The following FN1 variants were observed in gnomAD, a reference collection of about 807,000 sequenced individuals.
FN1 encodes fibronectin.
FN1 carries 106 observed loss-of-function variants against 297.3 expected under a neutral mutation model. The ratio of observed to expected loss-of-function variants is 0.36; its 90% CI spans 0.30 to 0.42. The LOEUF is 0.42. FN1 is among the 10% of genes least tolerant of loss of function. The pLI is 1.00. For missense variants in FN1, 2,690 were observed against 3,124.9 expected (o/e 0.86, Z 3.32); for synonymous variants, 1,149 against 1,152.6 (o/e 1.00, Z 0.06).
intron 29 of FN1, chr2:215,384,656 G>A (rs1258240156): frequency 1.1e-5 from 6 of 526,068 alleles, no homozygotes; most frequent in African/African-American, 1.9e-5. Flanking sequence ...TCCCCCTCTA[G>A]TTGTAGTATA....
In FN1 at chr2:215,406,428, A is replaced by C. The variant is rs1162515117; in HGVS notation, c.2796T>G (p.Ser932Arg). The C allele has an allele frequency of 3.1e-6, 5 of 1,613,968 alleles. No individual in the cohort carries two copies. The African/African-American group carries it at 6.7e-5, about 22-fold the overall frequency. ...KVTIMWTPPE[S>R]AVTGYRVDVI... Reference sequence around the variant, plus strand: ...CATCCACACGGTAGCCGGTCACTGCACTCTCAGGCGGTGTCCACATGATGG... The same window carrying C: ...CATCCACACGGTAGCCGGTCACTGCCCTCTCAGGCGGTGTCCACATGATGG... The change falls in exon 19 of 46, where the codon AGT (serine) becomes AGG (arginine). Residue 932 changes from serine to arginine, a missense_variant. By Grantham distance (110) the Ser-to-Arg change is moderately radical. This residue lies in a region of FN1 where 1,743 missense variants were observed against 1,945.2 expected (regional missense o/e 0.90). Coordinates refer to ENST00000354785, the MANE Select transcript of FN1 (RefSeq NM_212482.4).
rs2057057626 is a variant in FN1, at chr2:215,375,238, C to G, written c.6133G>C (p.Gly2045Arg). The change falls in exon 38 of 46, where the codon GGT (glycine) becomes CGT (arginine). Residue 2045 changes from glycine to arginine, a missense_variant. Transcript: ENST00000354785. The stretch of plus-strand genomic sequence containing the variant: ...CCAGTAATAGTAGCCTCTGTGACAC[C>G]AGGGCGGGGCCGAGGGACCACTTCT... ...PREVVPRPRP[G>R]VTEATITGLE... The G allele has an allele frequency of 6.2e-7, 1 of 1,614,110 alleles. No individual in the cohort carries two copies. The highest frequency in any genetic ancestry group is 1.3e-5 in the African/African-American group (1 of 75,020).
At chr2:215,383,522 T>A (rs780726754) in intron 30 of FN1, 39 bp from the exon 31 acceptor site, 4 of 1,611,384 alleles carry the variant, frequency 2.5e-6, no homozygotes, top group Admixed American at 1.7e-5. Context: ...GAAGCCCCAG[T>A]CCTTGGAGAC....
chr2:215,394,759 C>G (rs2060107806), intron 23 of FN1, 40 bp from the exon 24 acceptor site: 1 of 1,507,110 alleles, frequency 6.6e-7, no homozygotes, highest in African/African-American at 1.4e-5. Context: ...CACAGAGGAT[C>G]TGTGAGCCAG....
At chr2:215,367,072 G>T (rs2054784025) in intron 42 of FN1, among the ~76,000 whole-genome samples, 1 of 152,052 alleles carries the variant, frequency 6.6e-6, no homozygotes, top group African/African-American at 2.4e-5. Flanking sequence ...TAATTCCACA[G>T]GATATGATTT....
intron 17 of FN1, 48 bp from the exon 18 acceptor site, chr2:215,407,369 G>A: frequency 1.3e-6 from 2 of 1,489,290 alleles, no homozygotes; most frequent in South Asian, 1.1e-5. Flanking sequence ...CTTTGAGACA[G>A]AGGCTTAGAA....
At chr2:215,416,748 A>C (rs1455133043) in intron 12 of FN1, among the ~76,000 whole-genome samples, 2 of 152,216 alleles carry the variant, frequency 1.3e-5, no homozygotes, top group African/African-American at 4.8e-5. Context: ...GTTCACCTCT[A>C]AGCCTAATCA....
intron 20 of FN1, among the ~76,000 whole-genome samples, chr2:215,403,663 A>G (rs1246984140): frequency 6.6e-6 from 1 of 152,238 alleles, no homozygotes; most frequent in Non-Finnish European, 1.5e-5. Flanking sequence ...ATTGTGATGT[A>G]GATATGTGGG....
At chr2:215,392,656 A>G (rs2059836823) in intron 25 of FN1, 2 of 463,512 alleles carry the variant, frequency 4.3e-6, no homozygotes, top group Non-Finnish European at 7.9e-6. Flanking sequence ...TTGAATGAAC[A>G]TTTGCTATTT....
chr2:215,421,035 G>C (rs571312092), intron 10 of FN1: 6 of 488,290 alleles, frequency 1.2e-5, no homozygotes, highest in Non-Finnish European at 2.2e-5. Flanking sequence ...AGAGGTTACA[G>C]TATGCTCAAG....
At chr2:215,402,955 A>G (rs563163589) in intron 20 of FN1, among the ~76,000 whole-genome samples, 143 of 152,316 alleles carry the variant, frequency 9.4e-4, no homozygotes, top group African/African-American at 3.2e-3. Context: ...TGTGTTCAAC[A>G]AAAGAAACTA....
intron 10 of FN1, 75 bp from the exon 11 acceptor site, chr2:215,420,876 A>AG: frequency 7.5e-6 from 10 of 1,328,238 alleles, no homozygotes; most frequent in South Asian, 1.2e-5. Flanking sequence ...TATGCTTCTC[A>AG]AAGCATACAA....
chr2:215,363,793 G>A (rs2053991269), intron 44 of FN1, among the ~76,000 whole-genome samples: 1 of 152,228 alleles, frequency 6.6e-6, no homozygotes, highest in Non-Finnish European at 1.5e-5. Context: ...TTTGAAATTT[G>A]AAATCATATT....
intron 21 of FN1, among the ~76,000 whole-genome samples, chr2:215,398,659 C>G (rs2060605561): frequency 6.6e-6 from 1 of 152,178 alleles, no homozygotes; most frequent in South Asian, 2.1e-4. Flanking sequence ...AAATATTTCT[C>G]TCTTCACACT....
Position 215,436,047 on chromosome 2 carries a change from G to T in FN1, c.-245C>A. 7.0e-6 allele frequency: 5 copies of T among 714,284 alleles called. No homozygotes were observed. Among genetic ancestry groups the T allele is most frequent in the Non-Finnish European group, 1.0e-5 (5 of 477,266 alleles). The allele number at this position is 714,284 out of a possible 1,614,324, so 44.2% of individuals were successfully genotyped here. On this transcript the variant is annotated 5_prime_UTR_variant, in exon 1 of 46. Coordinates refer to ENST00000354785, the MANE Select transcript of FN1 (RefSeq NM_212482.4). ...GCCTGGGGTTCCCTCTCCTCCCCCT[G>T]TGCAGCACAGCCGGCGCGGGCGTCC... is the stretch of plus-strand genomic sequence containing the variant.
intron 39 of FN1, chr2:215,372,616 A>C: frequency 1.8e-6 from 1 of 554,220 alleles, no homozygotes; most frequent in Non-Finnish European, 3.2e-6. Flanking sequence ...TCATACACAC[A>C]GCTTTAAACC....
intron 20 of FN1, 50 bp from the exon 21 acceptor site, chr2:215,399,401 T>C (rs760450863): frequency 3.4e-6 from 4 of 1,178,986 alleles, no homozygotes; most frequent in Middle Eastern, 1.9e-4. Context: ...TCACAGATGA[T>C]TGCATAGCAT....
intron 6 of FN1, 149 bp from the exon 7 acceptor site, chr2:215,425,434 A>C: frequency 1.3e-6 from 1 of 787,152 alleles, no homozygotes; most frequent in Non-Finnish European, 2.2e-6. Context: ...TCCCTTATTC[A>C]GCAGTAGCTT....
At chr2:215,397,350 TAG>T in intron 22 of FN1, 127 bp from the exon 23 acceptor site, 3 of 591,140 alleles carry the variant, frequency 5.1e-6, no homozygotes, top group South Asian at 1.6e-5. Context: ...CATAAAAATA[TAG>T]GTTACATTAT....
Sources: gnomAD v4.1 joint callset for allele counts (sites outside exome capture counted in the v4.1 genomes callset) on GRCh38, gnomAD v4.1.1 for gene constraint, gnomAD v4.1.1 regional missense constraint, MANE v1.5 for transcripts, NCBI Gene and HGNC (gene_info 2026-07-23, HGNC 2026-07-21) for gene names.